AKAP13: variants seen among roughly 807,000 people sequenced by gnomAD.
AKAP13 encodes A-kinase anchoring protein 13, also known as A-kinase anchor protein 13.
Under a neutral mutation model 264.5 loss-of-function variants are expected in AKAP13, and 80 were observed. That is an observed-to-expected ratio of 0.30 (90% confidence interval 0.25 to 0.36). The LOEUF is 0.36. AKAP13 is among the 10% of genes least tolerant of loss of function. The pLI is 1.00. For missense variants in AKAP13, 3,712 were observed against 3,435.2 expected (o/e 1.08, Z -2.01); for synonymous variants, 1,380 against 1,250.2 (o/e 1.10, Z -2.19).
intron 1 of AKAP13, among the ~76,000 whole-genome samples, chr15:85,407,942 G>C (rs1381979760): frequency 6.6e-6 from 1 of 151,644 alleles, no homozygotes; most frequent in Non-Finnish European, 1.5e-5. Flanking sequence ...TGAATGCAGT[G>C]AGGTTGGAAG....
At chr15:85,437,023 A>T (rs994550239) in intron 1 of AKAP13, among the ~76,000 whole-genome samples, 1 of 148,678 alleles carries the variant, frequency 6.7e-6, no homozygotes, top group Non-Finnish European at 1.5e-5. Context: ...AAATCAATGA[A>T]TCCAGGAGCT....
At chr15:85,602,705 G>A (rs895258118) in intron 8 of AKAP13, among the ~76,000 whole-genome samples, 2 of 151,968 alleles carry the variant, frequency 1.3e-5, no homozygotes, top group Non-Finnish European at 2.9e-5. Flanking sequence ...GGCCAGCCTG[G>A]TCTTGAACTC....
At chr15:85,629,941 A>G (rs1207641392) in intron 8 of AKAP13, among the ~76,000 whole-genome samples, 5 of 151,494 alleles carry the variant, frequency 3.3e-5, no homozygotes, top group Admixed American at 3.3e-4. Context: ...AACCATGTCC[A>G]GCTAATTTTT....
chr15:85,491,527 A>G (rs572532475), intron 2 of AKAP13, among the ~76,000 whole-genome samples: 37 of 146,960 alleles, frequency 2.5e-4, no homozygotes, highest in African/African-American at 5.9e-4. Context: ...TATATATTAT[A>G]TATTTTATAT....
chr15:85,649,243 A>G (rs989821600), intron 10 of AKAP13, among the ~76,000 whole-genome samples: 2 of 152,208 alleles, frequency 1.3e-5, no homozygotes, highest in Admixed American at 6.5e-5. Context: ...ATCCAGAATT[A>G]CTTAGTGGGT....
At chr15:85,712,608 A>G (rs1158197966) in intron 19 of AKAP13, among the ~76,000 whole-genome samples, 1 of 151,954 alleles carries the variant, frequency 6.6e-6, no homozygotes. Context: ...CAGTGGCACA[A>G]TCTCCACTCA....
In AKAP13 at chr15:85,667,620, A is replaced by G. The variant is rs1395655960; in HGVS notation, c.4993-2102A>G. ...ACCAAAATTGTGGATTTGTAAACAG[A>G]ATCATAGGCCAAGACTGACATATCC... On this transcript the variant is annotated intron_variant, in intron 13 of 36. Transcript: ENST00000394518. 4.6e-5 allele frequency among the ~76,000 whole-genome samples: 7 copies of G among 152,248 alleles called. 1 individual carries two copies. The highest frequency in any genetic ancestry group is 4.6e-4 in the Admixed American group (7 of 15,276).
intron 1 of AKAP13, among the ~76,000 whole-genome samples, chr15:85,404,923 G>A (rs1213561986): frequency 7.2e-5 from 11 of 152,158 alleles, no homozygotes; most frequent in Admixed American, 7.2e-4. Flanking sequence ...TTATCATTGT[G>A]TGTGTTCATT....
chr15:85,457,380 T>G (rs2074320114), intron 1 of AKAP13, among the ~76,000 whole-genome samples: 1 of 152,154 alleles, frequency 6.6e-6, no homozygotes, highest in Admixed American at 6.5e-5. Flanking sequence ...TTTAAACACT[T>G]TTCTTTTTTA....
chr15:85,567,401 C>T (rs2078643808), intron 5 of AKAP13, among the ~76,000 whole-genome samples: 1 of 152,180 alleles, frequency 6.6e-6, no homozygotes, highest in East Asian at 1.9e-4. Flanking sequence ...CCACCACGCC[C>T]AGCCACAAGT....
intron 1 of AKAP13, among the ~76,000 whole-genome samples, chr15:85,404,567 G>A (rs2071579652): frequency 6.6e-6 from 1 of 152,180 alleles, no homozygotes; most frequent in Admixed American, 6.5e-5. Context: ...AGCTTTTCAA[G>A]CTAAGTCTTG....
At chr15:85,582,186 A>C in intron 7 of AKAP13, 79 bp downstream of exon 7, 3 of 1,448,914 alleles carry the variant, frequency 2.1e-6, no homozygotes, top group South Asian at 2.8e-5. Context: ...TGGTAAAAAT[A>C]TAGGCATCTT....
chr15:85,741,369 G>C lies in AKAP13; in HGVS notation c.7932G>C (p.Lys2644Asn), dbSNP rs757357081. The C allele has an allele frequency of 1.9e-6, 3 of 1,614,080 alleles. No homozygotes were observed. The highest frequency in any genetic ancestry group is 1.7e-5 in the Admixed American group (1 of 60,030). ...EKEREELQQKKGTYQYDLERL... is the reference protein window; with the variant it reads ...EKEREELQQKNGTYQYDLERL... ...AGCGGGAGGAGCTCCAGCAGAAGAAGGGCACATACCAGTATGACCTGGAGC... is the reference window on the plus strand; with the variant it reads ...AGCGGGAGGAGCTCCAGCAGAAGAACGGCACATACCAGTATGACCTGGAGC... Residue 2644 changes from lysine (K) to asparagine (N), a missense_variant, in exon 35 of 37, where the codon AAG becomes AAC. Transcript: ENST00000394518.
rs116480480 is a variant in AKAP13 at position 85,415,216 on chromosome 15, C to G, written c.-12+34418C>G. 5.9e-4 allele frequency: 901 copies of G among 1,535,006 alleles called. 5 individuals are homozygous for G. In the African/African-American group the frequency reaches 0.011, roughly 19 times the overall value. On this transcript the variant is annotated intron_variant, in intron 1 of 36. Coordinates refer to ENST00000394518, the MANE Select transcript of AKAP13 (RefSeq NM_007200.5). The stretch of plus-strand genomic sequence containing the variant: ...GACCCCGCTCTGCACGCCAGCTCGC[C>G]CGCACCCCTCATGGCCACAGTTCAG...
At chr15:85,644,843 A>G (rs1460021679) in intron 9 of AKAP13, among the ~76,000 whole-genome samples, 1 of 152,174 alleles carries the variant, frequency 6.6e-6, no homozygotes. Flanking sequence ...CCACTCAGTA[A>G]TGGACTTGGG....
chr15:85,733,361 A>G (rs939167409), intron 30 of AKAP13, among the ~76,000 whole-genome samples: 1 of 152,188 alleles, frequency 6.6e-6, no homozygotes, highest in African/African-American at 2.4e-5. Context: ...TCCCCATGTA[A>G]GTAACATGCT....
At chr15:85,419,483 T>A (rs1232711512) in intron 1 of AKAP13, among the ~76,000 whole-genome samples, 1 of 152,226 alleles carries the variant, frequency 6.6e-6, no homozygotes, top group Non-Finnish European at 1.5e-5. Flanking sequence ...TTGACCCGGA[T>A]ATTTTTATGT....
chr15:85,622,154 G>T (rs1427752570), intron 8 of AKAP13, among the ~76,000 whole-genome samples: 1 of 152,098 alleles, frequency 6.6e-6, no homozygotes, highest in Non-Finnish European at 1.5e-5. Context: ...ATTGCTTAAA[G>T]GTAGACAATA....
At chr15:85,482,105 T>TA (rs1287142388) in intron 1 of AKAP13, among the ~76,000 whole-genome samples, 1 of 152,264 alleles carries the variant, frequency 6.6e-6, no homozygotes, top group African/African-American at 2.4e-5. Context: ...TTTAAATGTA[T>TA]AAAATAAGTT....
Sources: gnomAD v4.1 joint callset for allele counts (sites outside exome capture counted in the v4.1 genomes callset) on GRCh38, gnomAD v4.1.1 for gene constraint, MANE v1.5 for transcripts, NCBI Gene and HGNC (gene_info 2026-07-23, HGNC 2026-07-21) for gene names.